Variants in SND1 observed in about 807,000 individuals in gnomAD.
SND1 encodes the protein staphylococcal nuclease and tudor domain containing 1, also known as staphylococcal nuclease domain-containing protein 1.
SND1 carries 38 observed loss-of-function variants against 121.7 expected under a neutral mutation model. The observed-to-expected ratio is 0.31, with a 90% CI of 0.24 to 0.41. SND1 has a LOEUF of 0.41. Among genes scored for constraint, SND1 ranks in the 10% least tolerant of loss-of-function variants. The pLI is 1.00. For synonymous variants in SND1, 401 were observed against 447.4 expected, an observed-to-expected ratio of 0.90 and a Z score of 1.31; for missense variants, 868 against 1,184.6, an observed-to-expected ratio of 0.73 and a Z score of 3.92.
At chr7:127,878,463 TTA>T (rs1243900721) in intron 12 of SND1, among the ~76,000 whole-genome samples, 1 of 152,308 alleles carries the variant, frequency 6.6e-6, no homozygotes, top group Non-Finnish European at 1.5e-5. Flanking sequence ...TTGTCAAAGG[TTA>T]TAGACAATTG....
At chr7:127,884,701 C>T (rs1563047151) in intron 12 of SND1, among the ~76,000 whole-genome samples, 1 of 152,108 alleles carries the variant, frequency 6.6e-6, no homozygotes, top group Non-Finnish European at 1.5e-5. Context: ...GTTCCCTTCC[C>T]ACCTTCCTTG....
At chr7:127,737,981 A>G (rs148003760) in intron 10 of SND1, among the ~76,000 whole-genome samples, 178 of 152,326 alleles carry the variant, frequency 1.2e-3, no homozygotes, top group African/African-American at 4.1e-3. Flanking sequence ...TTACTGGCTT[A>G]ATATTCTGGT....
chr7:127,679,069 C>T (rs1467366636), intron 1 of SND1: 1 of 152,238 alleles, frequency 6.6e-6, no homozygotes, highest in Admixed American at 6.5e-5. Flanking sequence ...AGCTCAATGA[C>T]TTTCCTGGTT....
intron 11 of SND1, among the ~76,000 whole-genome samples, chr7:127,819,085 G>A (rs1471081166): frequency 6.6e-6 from 1 of 152,182 alleles, no homozygotes; most frequent in African/African-American, 2.4e-5. Flanking sequence ...CCTTGTGTTT[G>A]TAATAGTATA....
chr7:127,879,646 A>G (rs1799753551), intron 12 of SND1, among the ~76,000 whole-genome samples: 1 of 152,146 alleles, frequency 6.6e-6, no homozygotes, highest in Non-Finnish European at 1.5e-5. Context: ...AGGAATCAAT[A>G]TCGGAACTCT....
chr7:127,884,098 A>C (rs773529278), intron 12 of SND1, among the ~76,000 whole-genome samples: 1 of 152,150 alleles, frequency 6.6e-6, no homozygotes, highest in Non-Finnish European at 1.5e-5. Flanking sequence ...AACAGTTATA[A>C]TCCACTCAAA....
intron 1 of SND1, among the ~76,000 whole-genome samples, chr7:127,684,962 C>G (rs1208745234): frequency 1.3e-5 from 2 of 151,666 alleles, no homozygotes; most frequent in African/African-American, 4.8e-5. Context: ...ATAGAATTTC[C>G]ATAAAAAGTT....
At chr7:127,724,980 C>T (rs772101458) in intron 10 of SND1, among the ~76,000 whole-genome samples, 1 of 151,994 alleles carries the variant, frequency 6.6e-6, no homozygotes, top group Non-Finnish European at 1.5e-5. Flanking sequence ...CAACCCCTGC[C>T]CCTTTCCTTG....
At chr7:128,081,776 G>C in intron 18 of SND1, 1 of 618,502 alleles carries the variant, frequency 1.6e-6, no homozygotes, top group Non-Finnish European at 3.2e-6. Flanking sequence ...GAGATAACCA[G>C]GTTTATCTGG....
chr7:127,742,519 T>C (rs1236164289), intron 10 of SND1, among the ~76,000 whole-genome samples: 2 of 151,872 alleles, frequency 1.3e-5, no homozygotes, highest in East Asian at 3.9e-4. Context: ...TTTTTAAAAA[T>C]CTAGAGTAGG....
intron 14 of SND1, among the ~76,000 whole-genome samples, chr7:127,927,052 A>G (rs1215920344): frequency 6.6e-6 from 1 of 152,180 alleles, no homozygotes; most frequent in Non-Finnish European, 1.5e-5. Context: ...TGACATGGGT[A>G]GCACTAAGGT....
At chr7:128,088,060 A>G (rs1429468519) in intron 21 of SND1, among the ~76,000 whole-genome samples, 2 of 152,152 alleles carry the variant, frequency 1.3e-5, no homozygotes, top group Non-Finnish European at 2.9e-5. Flanking sequence ...AGAATAAGCA[A>G]ATTTACTCTT....
intron 21 of SND1, among the ~76,000 whole-genome samples, chr7:128,087,619 G>A (rs1416011009): frequency 1.3e-5 from 2 of 152,170 alleles, no homozygotes; most frequent in East Asian, 1.9e-4. Flanking sequence ...GAGAAGGAGC[G>A]AATTTGGGCA....
intron 11 of SND1, among the ~76,000 whole-genome samples, chr7:127,840,819 A>G (rs929644097): frequency 7.9e-5 from 12 of 152,102 alleles, no homozygotes; most frequent in Non-Finnish European, 1.3e-4. Context: ...GCTGTGGGCT[A>G]TTCTCCGGGC....
At chr7:127,750,958 C>T (rs531088269) in intron 10 of SND1, among the ~76,000 whole-genome samples, 1 of 152,248 alleles carries the variant, frequency 6.6e-6, no homozygotes, top group East Asian at 1.9e-4. Flanking sequence ...TTAACCTAGT[C>T]TTCACTCTGG....
intron 1 of SND1, among the ~76,000 whole-genome samples, chr7:127,668,410 G>GA (rs1795456950): frequency 6.6e-6 from 1 of 152,158 alleles, no homozygotes; most frequent in Non-Finnish European, 1.5e-5. Context: ...TAGAACTCGT[G>GA]ACAGTATTAC....
chr7:127,737,107 T>C (rs1343099082), intron 10 of SND1, among the ~76,000 whole-genome samples: 1 of 152,240 alleles, frequency 6.6e-6, no homozygotes, highest in Non-Finnish European at 1.5e-5. Flanking sequence ...AAGTGACCAG[T>C]AGATAATTAA....
At chr7:127,888,392 C>T (rs554332844) in intron 13 of SND1, among the ~76,000 whole-genome samples, 5 of 152,134 alleles carry the variant, frequency 3.3e-5, no homozygotes, top group Non-Finnish European at 7.4e-5. Context: ...CCAAAGGCCT[C>T]TACTCCTAGC....
At chr7:127,824,028 C>T (rs928775490) in intron 11 of SND1, among the ~76,000 whole-genome samples, 11 of 152,142 alleles carry the variant, frequency 7.2e-5, no homozygotes, top group East Asian at 1.9e-4. Flanking sequence ...TTGAGTATGA[C>T]GACAACAAAA....
Sources: gnomAD v4.1 joint callset for allele counts (sites outside exome capture counted in the v4.1 genomes callset) on GRCh38, gnomAD v4.1.1 for gene constraint, MANE v1.5 for transcripts, NCBI Gene and HGNC (gene_info 2026-07-23, HGNC 2026-07-21) for gene names.